The following SPINK8 variants were observed in gnomAD, a reference collection of about 807,000 sequenced individuals.
SPINK8 encodes serine protease inhibitor Kazal-type 8.
SPINK8 carries 12 observed loss-of-function variants against 14.4 expected under a neutral mutation model. The observed-to-expected ratio is 0.83, with a 90% CI of 0.53 to 1.35. The LOEUF (loss-of-function observed/expected upper bound fraction) is 1.35. SPINK8 is among the 40% of genes most tolerant of loss of function. The pLI is 0.00. For synonymous variants in SPINK8, 32 were observed against 37.6 expected (o/e 0.85, Z 0.55); for missense variants, 103 against 117.0 (o/e 0.88, Z 0.55).
intron 5 of SPINK8, among the ~76,000 whole-genome samples, chr3:48,320,367 G>A (rs2036055857): frequency 6.6e-6 from 1 of 152,104 alleles, no homozygotes; most frequent in Non-Finnish European, 1.5e-5. Flanking sequence ...GGCCAACATG[G>A]TGAAACCCCA....
intron 4 of SPINK8, 57 bp from the exon 5 acceptor site, chr3:48,321,131 A>G: frequency 6.5e-7 from 1 of 1,527,368 alleles, no homozygotes; most frequent in East Asian, 2.4e-5. Context: ...CCCTCAGCGA[A>G]AAAGGTAAGA....
chr3:48,307,409 TTTCC>T (rs1359272199), intron 7 of SPINK8, among the ~76,000 whole-genome samples: 2 of 151,012 alleles, frequency 1.3e-5, no homozygotes, highest in African/African-American at 4.9e-5. Context: ...TCCTTCCTTC[TTTCC>T]TTCCTTCCTT....
intron 2 of SPINK8, among the ~76,000 whole-genome samples, chr3:48,331,906 C>T (rs2036268778): frequency 6.6e-6 from 1 of 152,218 alleles, no homozygotes; most frequent in African/African-American, 2.4e-5. Flanking sequence ...GTCAAGCATA[C>T]CTGGGGAGGG....
chr3:48,308,499 A>G (rs2035879923), intron 7 of SPINK8, among the ~76,000 whole-genome samples: 2 of 152,196 alleles, frequency 1.3e-5, no homozygotes, highest in African/African-American at 2.4e-5. Flanking sequence ...TTTGTCTTAA[A>G]TAGACTGTTG....
At chr3:48,326,869 C>T (rs560972323) in intron 4 of SPINK8, among the ~76,000 whole-genome samples, 58 of 151,802 alleles carry the variant, frequency 3.8e-4, no homozygotes, top group Non-Finnish European at 6.5e-4. Context: ...TGAGATCACA[C>T]CACTGCACTC....
In SPINK8 at chr3:48,321,009, A is replaced by G; in HGVS notation, c.117+16T>C. On this transcript the variant is annotated intron_variant, in intron 5 of 7. Transcript: ENST00000434006. ...TCCCCATTCCTGTTATTAGGAACCAAGGAAGCAGTACTCACTATTGTTTTG... is the reference window on the plus strand; with the variant it reads ...TCCCCATTCCTGTTATTAGGAACCAGGGAAGCAGTACTCACTATTGTTTTG... The G allele has an allele frequency of 6.3e-7, 1 of 1,584,916 alleles. No individual in the cohort carries two copies. The highest frequency in any genetic ancestry group is 1.3e-5 in the African/African-American group (1 of 74,562).
chr3:48,318,314 T>C (rs951930051), intron 6 of SPINK8, among the ~76,000 whole-genome samples: 5 of 152,188 alleles, frequency 3.3e-5, no homozygotes, highest in African/African-American at 1.2e-4. Flanking sequence ...CTAATTTTTG[T>C]ATTTTTAGTA....
intron 4 of SPINK8, among the ~76,000 whole-genome samples, chr3:48,326,606 C>T (rs1156548575): frequency 1.4e-5 from 2 of 138,236 alleles, no homozygotes; most frequent in African/African-American, 5.4e-5. Flanking sequence ...GACTCTGTCT[C>T]AAGAAAAAAA....
intron 6 of SPINK8, among the ~76,000 whole-genome samples, chr3:48,318,201 T>C (rs2036020216): frequency 6.6e-6 from 1 of 152,130 alleles, no homozygotes; most frequent in Non-Finnish European, 1.5e-5. Flanking sequence ...AGTGCAGTGA[T>C]GCAATCTCAG....
intron 7 of SPINK8, among the ~76,000 whole-genome samples, chr3:48,309,685 C>G (rs1313300721): frequency 6.6e-6 from 1 of 151,986 alleles, no homozygotes; most frequent in Non-Finnish European, 1.5e-5. Context: ...TATACTTCAT[C>G]AAAGAAAACA....
At chr3:48,310,172 C>T (rs73831566) in intron 6 of SPINK8, among the ~76,000 whole-genome samples, 10,868 of 151,990 alleles carry the variant, frequency 0.072, 543 homozygotes, top group East Asian at 0.13. Context: ...TTCAAAATAG[C>T]CTTTGAAAAT....
At chr3:48,317,481 T>C (rs539573059) in intron 6 of SPINK8, among the ~76,000 whole-genome samples, 1 of 152,054 alleles carries the variant, frequency 6.6e-6, no homozygotes, top group African/African-American at 2.4e-5. Flanking sequence ...AAAGTGAAAC[T>C]ACATCTCAAA....
chr3:48,307,264 G>C (rs74316698), intron 7 of SPINK8, among the ~76,000 whole-genome samples: 1,703 of 152,272 alleles, frequency 0.011, 33 homozygotes, highest in African/African-American at 0.038. Context: ...AGGGGATAGA[G>C]GCAGTGGAGT....
chr3:48,325,170 T>C (rs1463379967), intron 4 of SPINK8, among the ~76,000 whole-genome samples: 1 of 152,208 alleles, frequency 6.6e-6, no homozygotes, highest in East Asian at 1.9e-4. Flanking sequence ...AGCTTATTTG[T>C]GTTTTTGAAT....
At chr3:48,311,752 A>G (rs2035926554) in intron 6 of SPINK8, among the ~76,000 whole-genome samples, 1 of 152,192 alleles carries the variant, frequency 6.6e-6, no homozygotes, top group Admixed American at 6.5e-5. Context: ...GCCTAAATAA[A>G]TGAATGACAT....
At chr3:48,332,550 C>CGG (rs1224559194) in intron 1 of SPINK8, among the ~76,000 whole-genome samples, 79 bp from the exon 2 acceptor site, 1 of 152,162 alleles carries the variant, frequency 6.6e-6, no homozygotes, top group African/African-American at 2.4e-5. Context: ...TGCAAGTTAG[C>CGG]AAATGTCTGC....
chr3:48,321,407 G>A (rs183100843), intron 4 of SPINK8, among the ~76,000 whole-genome samples: 3 of 151,812 alleles, frequency 2.0e-5, no homozygotes, highest in African/African-American at 7.2e-5. Flanking sequence ...AAGATGCTGA[G>A]TTTCATTAAG....
intron 4 of SPINK8, among the ~76,000 whole-genome samples, chr3:48,325,209 A>T (rs2036122769): frequency 6.6e-6 from 1 of 152,098 alleles, no homozygotes; most frequent in Non-Finnish European, 1.5e-5. Context: ...TAAAGCATAT[A>T]GTTGGATGTT....
chr3:48,306,868 G>A lies in SPINK8; in HGVS notation c.*124C>T. On this transcript the variant is annotated 3_prime_UTR_variant, in exon 8 of 8. Transcript: ENST00000434006. ...TTTCTGCTAAGAATCATTTATTGAA[G>A]ACATAAATCAACGAGTTTGATCCAA... 1 of 900,496 alleles carries A rather than the reference G, an allele frequency of 1.1e-6. No homozygotes were observed. The highest frequency in any genetic ancestry group is 1.7e-6 in the Non-Finnish European group (1 of 586,780). 55.8% of individuals were successfully genotyped at this position (900,496 alleles called of 1,614,324 possible). A position where few individuals can be genotyped will look rare whatever the true frequency, so the allele number is the denominator to read the frequency against.
Sources: gnomAD v4.1 joint callset for allele counts (sites outside exome capture counted in the v4.1 genomes callset) on GRCh38, gnomAD v4.1.1 for gene constraint, MANE v1.5 for transcripts, NCBI Gene and HGNC (gene_info 2026-07-23, HGNC 2026-07-21) for gene names.